Variants in NOL9 observed in about 807,000 individuals in gnomAD.
NOL9 encodes the protein nucleolar protein 9.
Under a neutral mutation model 67.9 loss-of-function variants are expected in NOL9, and 28 were observed. The ratio of observed to expected loss-of-function variants is 0.41; its 90% CI spans 0.31 to 0.57. NOL9 has a LOEUF of 0.57. Among genes scored for constraint, NOL9 ranks in the 20% least tolerant of loss-of-function variants. The pLI, the probability that NOL9 is intolerant of heterozygous loss-of-function variation, is 0.25. For synonymous variants in NOL9, 356 were observed against 352.2 expected, an observed-to-expected ratio of 1.01 and a Z score of -0.12; for missense variants, 777 against 897.0, an observed-to-expected ratio of 0.87 and a Z score of 1.71.
At chr1:6,529,214 G>A in intron 9 of NOL9, 43 bp from the exon 10 acceptor site, 1 of 1,548,296 alleles carries the variant, frequency 6.5e-7, no homozygotes, top group Non-Finnish European at 8.9e-7. Flanking sequence ...TGGCTACTTT[G>A]AAAGACCACT....
intron 1 of NOL9, among the ~76,000 whole-genome samples, chr1:6,551,612 T>A (rs570998022): frequency 2.3e-4 from 35 of 150,930 alleles, no homozygotes; most frequent in African/African-American, 8.5e-4. Context: ...AATAAATAAA[T>A]AAAAATTAAA....
chr1:6,549,769 T>G, intron 2 of NOL9, 71 bp from the exon 3 acceptor site: 1 of 1,570,300 alleles, frequency 6.4e-7, no homozygotes, highest in Non-Finnish European at 8.7e-7. Flanking sequence ...AGGACTGCCA[T>G]CTCCTCGGCT....
chr1:6,554,023 TC>T (rs1446511811), intron 1 of NOL9, 83 bp downstream of exon 1: 2 of 1,160,766 alleles, frequency 1.7e-6, no homozygotes, highest in East Asian at 6.1e-5. Flanking sequence ...GGGACCACGG[TC>T]CTCTCCTACC....
chr1:6,553,329 A>C (rs1639584448), intron 1 of NOL9, among the ~76,000 whole-genome samples: 1 of 152,112 alleles, frequency 6.6e-6, no homozygotes, highest in Non-Finnish European at 1.5e-5. Context: ...CACGTTAAGA[A>C]TCAGGCTGCC....
At chr1:6,536,792 G>A (rs768273341) in intron 6 of NOL9, among the ~76,000 whole-genome samples, 1 of 152,150 alleles carries the variant, frequency 6.6e-6, no homozygotes, top group African/African-American at 2.4e-5. Context: ...ACTCCAGCCT[G>A]TGTGACAGAG....
intron 3 of NOL9, chr1:6,547,937 C>T (rs1022248515): frequency 3.4e-5 from 8 of 233,488 alleles, no homozygotes; most frequent in South Asian, 3.1e-4. Context: ...CATAGGCTTT[C>T]CTACAATACA....
rs1639300127 is a variant in NOL9 at position 6,541,902 on chromosome 1, A to T, written c.1003T>A (p.Cys335Ser). The part of the protein sequence containing the change: ...NSLPCVDYLE[C>S]DLGQTEFTPP... ...GTAAATTCTGTCTGTCCCAGATCAC[A>T]TTCCAAATAGTCAACGCAGGGAAGA... Residue 335 changes from cysteine to serine, a missense_variant, in exon 6 of 12, where the codon TGT (cysteine) becomes AGT (serine). Physicochemically the swap from Cys to Ser is moderately radical, Grantham distance 112 (BLOSUM62 -1). Transcript: ENST00000377705. 6.2e-7 allele frequency: 1 copy of T among 1,605,652 alleles called. No homozygotes were observed. Among genetic ancestry groups the T allele is most frequent in the African/African-American group, 1.3e-5 (1 of 74,532 alleles).
intron 10 of NOL9, among the ~76,000 whole-genome samples, chr1:6,528,612 T>C (rs1261127916): frequency 6.6e-6 from 1 of 152,190 alleles, no homozygotes; most frequent in Non-Finnish European, 1.5e-5. Flanking sequence ...AGTCAGGCAC[T>C]CAAGTGAAGA....
At position 6,529,253 on chromosome 1, in the gene NOL9, T is replaced by C. The variant is rs938256130; in HGVS notation, c.1648-82A>G. 6.1e-6 allele frequency: 8 copies of C among 1,305,016 alleles called. No homozygotes were observed. The Admixed American group carries it at 8.1e-5, about 13-fold the overall frequency. 80.8% of individuals were successfully genotyped at this position (1,305,016 alleles called of 1,614,324 possible). On this transcript the variant is annotated intron_variant, in intron 9 of 11. Transcript: ENST00000377705. ...TTTCTACAACTAGATTAACCAGCTA[T>C]CTAAAGATAGGTCTGCCAAAGTGCC...
chr1:6,541,762 G>T, intron 6 of NOL9, 68 bp downstream of exon 6: 1 of 927,892 alleles, frequency 1.1e-6, no homozygotes, highest in Non-Finnish European at 1.6e-6. Context: ...CGATTTCTGA[G>T]TTTTTGTTAG....
At chr1:6,549,943 A>G (rs1222630566) in intron 2 of NOL9, among the ~76,000 whole-genome samples, 5 of 152,190 alleles carry the variant, frequency 3.3e-5, no homozygotes, top group South Asian at 2.1e-4. Context: ...GGTGATAACA[A>G]TAGTACTTTC....
intron 6 of NOL9, among the ~76,000 whole-genome samples, chr1:6,540,186 G>T (rs1639250735): frequency 6.9e-6 from 1 of 145,692 alleles, no homozygotes; most frequent in Non-Finnish European, 1.5e-5. Context: ...GCAGTGGTGA[G>T]AGCTCAGCTC....
At chr1:6,538,248 G>T (rs913156535) in intron 6 of NOL9, among the ~76,000 whole-genome samples, 1 of 151,830 alleles carries the variant, frequency 6.6e-6, no homozygotes, top group African/African-American at 2.4e-5. Flanking sequence ...TGTCAAGAAA[G>T]CAAAAAAACA....
At chr1:6,534,886 C>A (rs945678204) in intron 6 of NOL9, among the ~76,000 whole-genome samples, 1 of 152,122 alleles carries the variant, frequency 6.6e-6, no homozygotes, top group African/African-American at 2.4e-5. Flanking sequence ...TCACTGCAAC[C>A]TCCACCTCCC....
At chr1:6,544,705 C>G (rs957360261) in intron 5 of NOL9, 121 bp downstream of exon 5, 4 of 950,856 alleles carry the variant, frequency 4.2e-6, no homozygotes, top group Non-Finnish European at 6.4e-6. Flanking sequence ...TTCAGCTGGG[C>G]AGCTTTAGAC....
intron 6 of NOL9, 48 bp from the exon 7 acceptor site, chr1:6,533,489 T>A (rs1009226607): frequency 1.4e-6 from 2 of 1,381,646 alleles, no homozygotes; most frequent in Non-Finnish European, 1.9e-6. Flanking sequence ...GAGTGATCAA[T>A]CCTGGCTACT....
At chr1:6,532,885 G>C in intron 7 of NOL9, 125 bp from the exon 8 acceptor site, 1 of 964,628 alleles carries the variant, frequency 1.0e-6, no homozygotes, top group Non-Finnish European at 1.5e-6. Context: ...CAATACGTTG[G>C]ACTTCGGCTG....
At chr1:6,537,942 T>C (rs1366552598) in intron 6 of NOL9, among the ~76,000 whole-genome samples, 1 of 124,840 alleles carries the variant, frequency 8.0e-6, no homozygotes, top group African/African-American at 3.2e-5. Context: ...GCTAACACGG[T>C]GAAACCCCGT....
At chr1:6,527,255 A>G (rs1010072841) in intron 10 of NOL9, among the ~76,000 whole-genome samples, 1 of 51,512 alleles carries the variant, frequency 1.9e-5, no homozygotes, top group African/African-American at 3.7e-5. Context: ...AAAAAAAAAA[A>G]AAAAATACAA....
Sources: allele counts gnomAD v4.1 joint callset (sites outside exome capture counted in the v4.1 genomes callset), GRCh38; gene constraint gnomAD v4.1.1; transcripts MANE v1.5; gene names NCBI Gene and HGNC (gene_info 2026-07-23, HGNC 2026-07-21).